Variants in LRRC9 observed in about 807,000 individuals in gnomAD.
LRRC9 encodes the protein leucine rich repeat containing 9.
A neutral mutation model predicts 63.2 loss-of-function variants in LRRC9; 122 were observed. That is an observed-to-expected ratio of 1.93 (90% CI 1.67 to 2.24). The LOEUF (loss-of-function observed/expected upper bound fraction) is 2.24, where lower values mean the gene tolerates loss of function less well. LRRC9 is among the 30% of genes most tolerant of loss of function. The probability of loss-of-function intolerance (pLI) is 0.00; values close to 1 mark genes in which losing one functional copy is unlikely to be tolerated. For missense variants in LRRC9, 1,071 were observed against 627.7 expected (o/e 1.71, Z -7.55); for synonymous variants, 366 against 213.1 (o/e 1.72, Z -6.25).
intron 23 of LRRC9, 100 bp downstream of exon 23, chr14:60,008,314 G>C (rs544481622): frequency 3.7e-6 from 2 of 535,588 alleles, no homozygotes; most frequent in Admixed American, 7.0e-5. Context: ...TAGCATTATA[G>C]CCAAATTTAC....
chr14:59,933,203 C>T (rs1005082773), intron 6 of LRRC9, among the ~76,000 whole-genome samples: 9 of 152,070 alleles, frequency 5.9e-5, no homozygotes, highest in East Asian at 5.8e-4. Context: ...ATAGGAAAAC[C>T]GTCACAACCT....
In LRRC9 at chr14:60,031,725, G is replaced by T. The variant is rs1002279435; in HGVS notation, c.3922-270G>T. 2.6e-5 allele frequency among the ~76,000 whole-genome samples: 4 copies of T among 151,946 alleles called. No homozygotes were observed. The highest frequency in any genetic ancestry group is 1.5e-5 in the Non-Finnish European group (1 of 67,892). ...GTCCTAGAATAAATCATAATTCTGAGAAAAAAATTTGATCTTTTCTTGCAA... is the reference window on the plus strand; with the variant it reads ...GTCCTAGAATAAATCATAATTCTGATAAAAAAATTTGATCTTTTCTTGCAA... On this transcript the variant is annotated intron_variant, in intron 28 of 31. Coordinates refer to ENST00000445360, the Ensembl canonical transcript of LRRC9. This position sits in a 1 kb window ranked among gnomAD's most constrained non-coding sequence, Gnocchi z 4.6.
At chr14:60,039,341 C>T (rs989992266) in intron 29 of LRRC9, among the ~76,000 whole-genome samples, 2 of 152,154 alleles carry the variant, frequency 1.3e-5, no homozygotes, top group South Asian at 2.1e-4. Context: ...AGGAATGGTA[C>T]CAGCTCCTCT....
intron 28 of LRRC9, among the ~76,000 whole-genome samples, chr14:60,029,413 T>C (rs1891815000): frequency 1.3e-5 from 2 of 152,068 alleles, no homozygotes; most frequent in African/African-American, 4.8e-5. Flanking sequence ...TTATGAAACA[T>C]CTCCATTTTA....
At chr14:60,037,528 A>AT (rs1892548962) in intron 29 of LRRC9, among the ~76,000 whole-genome samples, 1 of 152,070 alleles carries the variant, frequency 6.6e-6, no homozygotes, top group South Asian at 2.1e-4. Flanking sequence ...GATAATGAGC[A>AT]TTTTTTCATG....
chr14:59,942,953 T>C lies in LRRC9; in HGVS notation c.727-1636T>C, dbSNP rs1361042396. On this transcript the variant is annotated intron_variant, in intron 7 of 31. Transcript: ENST00000445360. The surrounding 1 kb of genome is among the most constrained non-coding windows in gnomAD (Gnocchi z 5.3). ...CTATGCAGTTCCTTTGCCCACCTTT[T>C]GGTTGGATTATTTGTGTGTGTGTGT... Among the ~76,000 whole-genome samples the C allele has an allele frequency of 2.0e-5, 3 of 152,090 alleles. No individual in the cohort carries two copies. The highest frequency in any genetic ancestry group is 4.4e-5 in the Non-Finnish European group (3 of 68,000).
At chr14:60,036,535 C>A (rs772962744) in intron 29 of LRRC9, among the ~76,000 whole-genome samples, 33 of 152,138 alleles carry the variant, frequency 2.2e-4, no homozygotes, top group Non-Finnish European at 3.1e-4. Context: ...TGTAGAATGT[C>A]CTTCAAGTTG....
At chr14:60,019,846 CATCATATATAATACAT>C (rs1208894102) in intron 26 of LRRC9, among the ~76,000 whole-genome samples, 1 of 104,690 alleles carries the variant, frequency 9.6e-6, no homozygotes, top group Non-Finnish European at 2.2e-5. Context: ...CATATATATA[CATCATATATAATACAT>C]ATCATATATA....
At chr14:59,968,196 T>C (rs182427001) in intron 12 of LRRC9, among the ~76,000 whole-genome samples, 5 of 152,302 alleles carry the variant, frequency 3.3e-5, no homozygotes, top group Admixed American at 2.6e-4. Flanking sequence ...TATTGTATGA[T>C]TCCATGTATG....
chr14:59,949,785 G>A (rs1468575448), intron 8 of LRRC9, among the ~76,000 whole-genome samples: 23 of 149,758 alleles, frequency 1.5e-4, no homozygotes, highest in Admixed American at 4.7e-4. Context: ...AGGTTGTTCA[G>A]TTTCCATATA....
At chr14:60,028,933 C>T (rs968404474) in intron 28 of LRRC9, among the ~76,000 whole-genome samples, 39 of 152,110 alleles carry the variant, frequency 2.6e-4, no homozygotes, top group South Asian at 8.3e-4. Flanking sequence ...GAAGCCTTTT[C>T]TGGGGGAGAT....
At chr14:60,019,759 C>G (rs1400192245) in intron 26 of LRRC9, among the ~76,000 whole-genome samples, 15 of 151,656 alleles carry the variant, frequency 9.9e-5, no homozygotes, top group Middle Eastern at 3.4e-3. Context: ...CACTTAATGA[C>G]TCAGCACCAA....
At position 60,002,108 on chromosome 14, in the gene LRRC9, C is replaced by A; in HGVS notation, c.2664+8C>A. ...GGAAACTGCTACTTGAAGGTAAAGG[C>A]TAATTCTATTAAACCTAATATAAAG... On this transcript the variant is annotated splice_region_variant and intron_variant, in intron 20 of 31. Coordinates refer to ENST00000445360, the Ensembl canonical transcript of LRRC9. 1 of 694,168 alleles carries A rather than the reference C, an allele frequency of 1.4e-6. No homozygotes were observed. Among genetic ancestry groups the A allele is most frequent in the Non-Finnish European group, 2.6e-6 (1 of 382,074 alleles). The allele number at this position is 694,168 out of a possible 1,614,324, so 43.0% of individuals were successfully genotyped here. A position where few individuals can be genotyped will look rare whatever the true frequency, so the allele number is the denominator to read the frequency against.
rs1013978564 is a variant in LRRC9 at position 60,053,381 on chromosome 14, GCT to G, written c.4131+178_4131+179del. Among the ~76,000 whole-genome samples, 40 of 73,276 alleles carry G rather than the reference GCT, an allele frequency of 5.5e-4. No homozygotes were observed. In the East Asian group the frequency reaches 0.01, roughly 19 times the overall value. The allele number at this position is 73,276 out of a possible 152,430, so 48.1% of individuals were successfully genotyped here. A position where few individuals can be genotyped will look rare whatever the true frequency, so the allele number is the denominator to read the frequency against. ...TGGATTTGGTGAATAGAGCATGCGT[GCT>G]CACACACACACACACACACACACAC... is the stretch of plus-strand genomic sequence containing the variant. On this transcript the variant is annotated intron_variant, in intron 30 of 31. Transcript: ENST00000445360. The surrounding 1 kb of genome is among the most constrained non-coding windows in gnomAD (Gnocchi z 4.8).
intron 29 of LRRC9, among the ~76,000 whole-genome samples, chr14:60,052,608 C>T (rs1007927112): frequency 2.6e-5 from 4 of 152,234 alleles, no homozygotes; most frequent in African/African-American, 9.6e-5. Context: ...CAAGCAGACC[C>T]TTTTGAAGTT....
At chr14:60,025,230 A>G (rs1311065839) in intron 27 of LRRC9, among the ~76,000 whole-genome samples, 1 of 151,586 alleles carries the variant, frequency 6.6e-6, no homozygotes, top group Non-Finnish European at 1.5e-5. Context: ...AGCTGGGACT[A>G]TAGGCTTGTG....
chr14:59,931,979 T>G (rs201631951), exon 6 of LRRC9: 3 of 700,342 alleles, frequency 4.3e-6, no homozygotes, highest in Non-Finnish European at 5.2e-6. Context: ...GTCGATGTCT[T>G]GACTCCAATG....
Position 60,027,475 on chromosome 14 carries a change from C to A in LRRC9, c.3704-409C>A, listed in dbSNP as rs1392763122. Among the ~76,000 whole-genome samples the A allele has an allele frequency of 6.6e-6, 1 of 151,956 alleles. No homozygotes were observed. Among genetic ancestry groups the A allele is most frequent in the Non-Finnish European group, 1.5e-5 (1 of 67,940 alleles). On this transcript the variant is annotated intron_variant, in intron 27 of 31. Transcript: ENST00000445360. This position sits in a 1 kb window ranked among gnomAD's most constrained non-coding sequence, Gnocchi z 4.0. The stretch of plus-strand genomic sequence containing the variant: ...TGTGTATTCTTCTAACATAATACAA[C>A]AAATTAGTCTATTTTAAGAAATAAT...
downstream of LRRC9, chr14:60,063,608 C>A (rs535138805): frequency 3.1e-4 from 129 of 418,786 alleles, no homozygotes; most frequent in East Asian, 2.8e-3. Flanking sequence ...TCATAAAAAT[C>A]ATCAACTATT....
Sources: allele counts gnomAD v4.1 joint callset (sites outside exome capture counted in the v4.1 genomes callset), GRCh38; gene constraint gnomAD v4.1.1; non-coding constraint Gnocchi (gnomAD v3.1); transcripts MANE v1.5; gene names NCBI Gene and HGNC (gene_info 2026-07-23, HGNC 2026-07-21).